SYN3: variants seen among roughly 807,000 people sequenced by gnomAD.
SYN3 encodes the protein synapsin III.
SYN3 carries 35 observed loss-of-function variants against 65.8 expected under a neutral mutation model. The observed-to-expected ratio is 0.53, with a 90% confidence interval of 0.41 to 0.70. SYN3 has a LOEUF of 0.70. Ranked by LOEUF, SYN3 falls within the 30% of genes least tolerant of loss-of-function variation. SYN3 has a pLI of 0.00. For synonymous variants in SYN3, 270 were observed against 292.9 expected (o/e 0.92, Z 0.80); for missense variants, 680 against 749.0 (o/e 0.91, Z 1.08).
At position 32,572,577 on chromosome 22, in the gene SYN3, TTCTC is replaced by T. The variant is rs957263495; in HGVS notation, c.774+24093_774+24096del. On this transcript the variant is annotated intron_variant, in intron 7 of 13. Transcript: ENST00000358763. ...CTTCTCTTTCCTTCCTTCTCTTCTC[TTCTC>T]TCTCTCTTTTTTTCCTTCTGACACA... 3.6e-4 allele frequency among the ~76,000 whole-genome samples: 53 copies of T among 148,214 alleles called. No individual in the cohort carries two copies. The East Asian group carries it at 9.0e-3, about 25-fold the overall frequency.
chr22:32,802,348 C>T (rs1468644881), intron 6 of SYN3, among the ~76,000 whole-genome samples: 1 of 152,104 alleles, frequency 6.6e-6, no homozygotes. Flanking sequence ...AGCCCCTGGC[C>T]GCCTTTGCTT....
At chr22:32,579,742 G>A (rs898489828) in intron 7 of SYN3, among the ~76,000 whole-genome samples, 1 of 152,166 alleles carries the variant, frequency 6.6e-6, no homozygotes, top group African/African-American at 2.4e-5. Flanking sequence ...GGCCAGAAGG[G>A]GTGGTGGGAA....
At chr22:32,625,252 T>C (rs372159431) in intron 6 of SYN3, among the ~76,000 whole-genome samples, 12 of 152,310 alleles carry the variant, frequency 7.9e-5, no homozygotes, top group African/African-American at 2.6e-4. Flanking sequence ...TTCTTTCTAA[T>C]GGAATAGATT....
chr22:32,636,900 C>T (rs1011968866), intron 6 of SYN3, among the ~76,000 whole-genome samples: 5 of 152,106 alleles, frequency 3.3e-5, no homozygotes, highest in African/African-American at 1.2e-4. Flanking sequence ...TCTTTTAAAG[C>T]AATTAACCTC....
chr22:32,575,741 G>A lies in SYN3; in HGVS notation c.774+20933C>T, dbSNP rs1040904756. ...GAGAGGCAGCCCAAGAGGCGCTGCT[G>A]CTAAAATGACTCTGGGCACGGTAGA... On this transcript the variant is annotated intron_variant, in intron 7 of 13. Coordinates refer to ENST00000358763, the MANE Select transcript of SYN3 (RefSeq NM_003490.4). 2.0e-5 allele frequency among the ~76,000 whole-genome samples: 3 copies of A among 152,280 alleles called. No homozygotes were observed. The South Asian group carries it at 6.2e-4, about 32-fold the overall frequency.
At position 32,868,996 on chromosome 22, in the gene SYN3, G is replaced by A. The variant is rs375999548; in HGVS notation, c.591C>T (p.Ser197=). ...AGGGCTTGCTGCAGAAGTTGTAGACGGAGTAGAGAGAGTTGACAGCAGGCA... is the reference window on the plus strand; with the variant it reads ...AGGGCTTGCTGCAGAAGTTGTAGACAGAGTAGAGAGAGTTGACAGCAGGCA... ...GGLPAVNSLY[S]VYNFCSKPWV... The change falls in exon 5 of 14, where the codon TCC becomes TCT. Residue 197 remains serine, a synonymous_variant. Coordinates refer to ENST00000358763, the MANE Select transcript of SYN3 (RefSeq NM_003490.4). 11 of 1,613,958 alleles carry A rather than the reference G, an allele frequency of 6.8e-6. No individual in the cohort carries two copies. Among genetic ancestry groups the A allele is most frequent in the Admixed American group, 6.7e-5 (4 of 60,008 alleles).
chr22:32,590,212 G>A (rs1246829076), intron 7 of SYN3, among the ~76,000 whole-genome samples: 1 of 152,122 alleles, frequency 6.6e-6, no homozygotes, highest in Non-Finnish European at 1.5e-5. Flanking sequence ...GCTTTTCTTA[G>A]AAGTTCTATC....
rs111308299 is a variant in SYN3, at chr22:32,510,984, C to CGTGTGTGTGTGTGT, written c.*2694_*2707dup. On this transcript the variant is annotated 3_prime_UTR_variant, in exon 14 of 14. Coordinates refer to ENST00000358763, the MANE Select transcript of SYN3 (RefSeq NM_003490.4). The stretch of plus-strand genomic sequence containing the variant: ...TGTCAATTCCAAGTTATTGTCCAGG[C>CGTGTGTGTGTGTGT]GTGTGTGTGTGTGTGTGTGTGTGTG... 0.033 allele frequency among the ~76,000 whole-genome samples: 4,664 copies of CGTGTGTGTGTGTGT among 142,930 alleles called. 138 individuals are homozygous for CGTGTGTGTGTGTGT. The highest frequency in any genetic ancestry group is 0.07 in the Admixed American group (1,000 of 14,280). The allele number at this position is 142,930 out of a possible 152,430, so 93.8% of individuals were successfully genotyped here.
intron 3 of SYN3, among the ~76,000 whole-genome samples, chr22:32,932,641 G>C (rs559005039): frequency 6.6e-6 from 1 of 152,220 alleles, no homozygotes; most frequent in East Asian, 1.9e-4. Context: ...CATCTTTTGG[G>C]TTGCCTATTT....
chr22:32,864,740 C>T lies in SYN3; in HGVS notation c.711+175G>A, dbSNP rs1391830020. On this transcript the variant is annotated intron_variant, in intron 6 of 13. Transcript: ENST00000358763. Reference sequence around the variant, plus strand: ...ATTGCCTGAATTTCACCTGGAGAGACGACTTCCCTTAGGAAATCCAGGCAC... The same window carrying T: ...ATTGCCTGAATTTCACCTGGAGAGATGACTTCCCTTAGGAAATCCAGGCAC... 9 of 585,308 alleles carry T rather than the reference C, an allele frequency of 1.5e-5. 1 individual carries two copies. Among genetic ancestry groups the T allele is most frequent in the South Asian group, 4.5e-5 (2 of 44,536 alleles). The allele number at this position is 585,308 out of a possible 1,614,324, so 36.3% of individuals were successfully genotyped here. A position where few individuals can be genotyped will look rare whatever the true frequency, so the allele number is the denominator to read the frequency against.
intron 4 of SYN3, among the ~76,000 whole-genome samples, chr22:32,878,109 G>T (rs551208474): frequency 6.6e-6 from 1 of 152,134 alleles, no homozygotes; most frequent in Non-Finnish European, 1.5e-5. Context: ...TTCGAAGTCC[G>T]TGTGCACAAT....
chr22:32,931,418 C>T lies in SYN3; in HGVS notation c.433G>A (p.Val145Ile). The change falls in exon 4 of 14, where the codon GTC (valine) becomes ATC (isoleucine). Residue 145 changes from valine to isoleucine, a missense_variant. Physicochemically the swap from Val to Ile is conservative, Grantham distance 29 (BLOSUM62 3). Coordinates refer to ENST00000358763, the MANE Select transcript of SYN3 (RefSeq NM_003490.4). The stretch of plus-strand genomic sequence containing the variant: ...ACCACTTTGGTCCCATTTCTCACGA[C>T]CTGCATGTCCACCATGCAGCCCCCG... ...VTGGCMVDMQVVRNGTKVVSR... is the reference protein window; with the variant it reads ...VTGGCMVDMQIVRNGTKVVSR... 2 of 1,613,532 alleles carry T rather than the reference C, an allele frequency of 1.2e-6. No individual in the cohort carries two copies. The highest frequency in any genetic ancestry group is 1.7e-6 in the Non-Finnish European group (2 of 1,179,480).
At chr22:32,716,485 C>T (rs2061040607) in intron 6 of SYN3, among the ~76,000 whole-genome samples, 1 of 151,988 alleles carries the variant, frequency 6.6e-6, no homozygotes, top group Admixed American at 6.6e-5. Context: ...CCCTAGGGCC[C>T]CATGTGGAGC....
At chr22:32,898,430 C>T (rs2049660582) in intron 4 of SYN3, among the ~76,000 whole-genome samples, 1 of 152,204 alleles carries the variant, frequency 6.6e-6, no homozygotes, top group Non-Finnish European at 1.5e-5. Context: ...GTTCACTCTC[C>T]TTTCTCCCGT....
intron 6 of SYN3, among the ~76,000 whole-genome samples, chr22:32,854,691 G>A (rs578066510): frequency 2.6e-5 from 4 of 152,274 alleles, no homozygotes; most frequent in Admixed American, 1.3e-4. Flanking sequence ...AGTCATCATC[G>A]TGACTCTACC....
intron 1 of SYN3, among the ~76,000 whole-genome samples, chr22:33,032,700 G>A (rs148353603): frequency 2.0e-3 from 307 of 151,766 alleles, no homozygotes; most frequent in African/African-American, 6.8e-3. Flanking sequence ...ACCTGACTCT[G>A]GTGTCTTTAC....
At chr22:32,953,267 T>C (rs1462205665) in intron 3 of SYN3, among the ~76,000 whole-genome samples, 1 of 152,174 alleles carries the variant, frequency 6.6e-6, no homozygotes, top group African/African-American at 2.4e-5. Flanking sequence ...TAGGACATTC[T>C]TATTGAGCAG....
chr22:32,852,901 C>T (rs749886155), intron 6 of SYN3, among the ~76,000 whole-genome samples: 2 of 152,170 alleles, frequency 1.3e-5, no homozygotes, highest in Non-Finnish European at 2.9e-5. Context: ...AGAAACCGAT[C>T]CACTGTGCCA....
chr22:32,556,159 T>A (rs1483521543), intron 7 of SYN3, among the ~76,000 whole-genome samples: 2 of 152,240 alleles, frequency 1.3e-5, no homozygotes, highest in African/African-American at 4.8e-5. Context: ...TATTAAGTAG[T>A]TAGAGCGAAA....
Sources: allele counts gnomAD v4.1 joint callset (sites outside exome capture counted in the v4.1 genomes callset), GRCh38; gene constraint gnomAD v4.1.1; transcripts MANE v1.5; gene names NCBI Gene and HGNC (gene_info 2026-07-23, HGNC 2026-07-21).